Variants in CCDC148 observed in about 807,000 individuals in gnomAD.
CCDC148 encodes coiled-coil domain containing 148, also known as coiled-coil domain-containing protein 148.
CCDC148 carries 89 observed loss-of-function variants against 85.7 expected under a neutral mutation model. That is an observed-to-expected ratio of 1.04 (90% CI 0.87 to 1.24). The LOEUF (loss-of-function observed/expected upper bound fraction) is 1.24. Ranked by LOEUF, CCDC148 falls within the 50% of genes most tolerant of loss-of-function variation. The pLI is 0.00. For synonymous variants in CCDC148, 230 were observed against 213.9 expected, an observed-to-expected ratio of 1.08 and a Z score of -0.66; for missense variants, 692 against 671.7, an observed-to-expected ratio of 1.03 and a Z score of -0.33.
At chr2:158,396,385 C>A (rs1259426782) in intron 1 of CCDC148, among the ~76,000 whole-genome samples, 3 of 152,052 alleles carry the variant, frequency 2.0e-5, no homozygotes, top group African/African-American at 4.8e-5. Flanking sequence ...CATAGCACCC[C>A]AACACTGAGG....
At chr2:158,255,415 T>G (rs1381768754) in intron 9 of CCDC148, among the ~76,000 whole-genome samples, 1 of 151,596 alleles carries the variant, frequency 6.6e-6, no homozygotes, top group South Asian at 2.1e-4. Flanking sequence ...CAAAACAACT[T>G]TTAAGAATGC....
At chr2:158,301,565 T>C (rs1691444220) in intron 9 of CCDC148, among the ~76,000 whole-genome samples, 1 of 152,172 alleles carries the variant, frequency 6.6e-6, no homozygotes, top group African/African-American at 2.4e-5. Context: ...GGAGGCTTAG[T>C]GGCCAATGAA....
At chr2:158,366,372 T>A (rs1302398026) in intron 1 of CCDC148, among the ~76,000 whole-genome samples, 1 of 152,190 alleles carries the variant, frequency 6.6e-6, no homozygotes, top group Non-Finnish European at 1.5e-5. Context: ...TGTGTTTTAT[T>A]TTGTGTTCCT....
chr2:158,433,266 A>G (rs1216483519), intron 1 of CCDC148, among the ~76,000 whole-genome samples: 1 of 128,542 alleles, frequency 7.8e-6, no homozygotes, highest in Non-Finnish European at 1.8e-5. Flanking sequence ...ACTCAAATAT[A>G]TATATATATA....
intron 1 of CCDC148, among the ~76,000 whole-genome samples, chr2:158,418,318 G>T (rs1348379067): frequency 6.6e-6 from 1 of 151,948 alleles, no homozygotes; most frequent in Non-Finnish European, 1.5e-5. Context: ...TTTCTCTGTA[G>T]CATAATTAAT....
At chr2:158,360,996 G>A (rs1559098813) in intron 1 of CCDC148, among the ~76,000 whole-genome samples, 1 of 151,816 alleles carries the variant, frequency 6.6e-6, no homozygotes, top group African/African-American at 2.4e-5. Flanking sequence ...TGATGGAGCT[G>A]AAAAACCCAG....
chr2:158,240,639 G>A (rs1688316501), intron 10 of CCDC148, among the ~76,000 whole-genome samples: 1 of 151,956 alleles, frequency 6.6e-6, no homozygotes, highest in Non-Finnish European at 1.5e-5. Flanking sequence ...TGGCTTCCAG[G>A]CAGCACTCTG....
At chr2:158,310,971 G>A (rs189123363) in intron 8 of CCDC148, among the ~76,000 whole-genome samples, 1 of 150,626 alleles carries the variant, frequency 6.6e-6, no homozygotes, top group African/African-American at 2.4e-5. Flanking sequence ...CCGGGAAGAG[G>A]CGCTCTTCAC....
intron 9 of CCDC148, among the ~76,000 whole-genome samples, chr2:158,287,136 T>C (rs565508281): frequency 7.9e-5 from 12 of 152,232 alleles, no homozygotes; most frequent in Admixed American, 1.3e-4. Flanking sequence ...ATCACGAGAA[T>C]AGCACAGGAA....
At chr2:158,351,497 T>G (rs866899211) in intron 2 of CCDC148, among the ~76,000 whole-genome samples, 2 of 151,594 alleles carry the variant, frequency 1.3e-5, no homozygotes, top group Non-Finnish European at 2.9e-5. Context: ...CACTCCCACC[T>G]GAATACTGCG....
At chr2:158,385,762 C>A (rs1443877726) in intron 1 of CCDC148, among the ~76,000 whole-genome samples, 1 of 152,128 alleles carries the variant, frequency 6.6e-6, no homozygotes, top group Non-Finnish European at 1.5e-5. Flanking sequence ...CTGGCAACTT[C>A]TTGGGGAGCC....
chr2:158,251,168 T>C (rs1688778094), intron 9 of CCDC148, among the ~76,000 whole-genome samples: 1 of 151,876 alleles, frequency 6.6e-6, no homozygotes, highest in Admixed American at 6.6e-5. Context: ...AAAGAGTCTA[T>C]GATTTAACTC....
intron 1 of CCDC148, 85 bp from the exon 2 acceptor site, chr2:158,358,655 T>C: frequency 1.3e-6 from 1 of 798,330 alleles, no homozygotes; most frequent in Non-Finnish European, 1.8e-6. Context: ...ACATGTTGAC[T>C]TCAGATCTTA....
chr2:158,214,348 A>C (rs1686740092), intron 11 of CCDC148, among the ~76,000 whole-genome samples: 2 of 152,144 alleles, frequency 1.3e-5, no homozygotes, highest in African/African-American at 2.4e-5. Context: ...CCCAATATCC[A>C]CCAATTTATT....
chr2:158,366,278 G>A (rs922319458), intron 1 of CCDC148, among the ~76,000 whole-genome samples: 1 of 151,974 alleles, frequency 6.6e-6, no homozygotes, highest in Admixed American at 6.6e-5. Context: ...TCTTGGTCCT[G>A]TCCTTTCTAT....
At chr2:158,268,992 T>A (rs1256527792) in intron 9 of CCDC148, among the ~76,000 whole-genome samples, 9 of 152,212 alleles carry the variant, frequency 5.9e-5, no homozygotes, top group African/African-American at 1.9e-4. Flanking sequence ...TTAGGTTGTT[T>A]CCATATCTTG....
intron 10 of CCDC148, among the ~76,000 whole-genome samples, chr2:158,250,510 CT>C (rs11338184): frequency 0.4 from 58,104 of 145,268 alleles, 11,888 homozygotes; most frequent in East Asian, 0.65. Flanking sequence ...ACAACCTTGT[CT>C]TTTTTTTTTT....
chr2:158,217,645 C>CTTATT (rs1686958349), intron 11 of CCDC148, among the ~76,000 whole-genome samples: 1 of 151,992 alleles, frequency 6.6e-6, no homozygotes, highest in Admixed American at 6.6e-5. Flanking sequence ...ACCTTGTGAT[C>CTTATT]CACCTGCCTT....
intron 7 of CCDC148, among the ~76,000 whole-genome samples, chr2:158,315,649 C>T (rs1692244038): frequency 6.6e-6 from 1 of 152,074 alleles, no homozygotes; most frequent in Non-Finnish European, 1.5e-5. Flanking sequence ...ACCACACCCA[C>T]ATCGCCTTTA....
Sources: gnomAD v4.1 joint callset for allele counts (sites outside exome capture counted in the v4.1 genomes callset) on GRCh38, gnomAD v4.1.1 for gene constraint, MANE v1.5 for transcripts, NCBI Gene and HGNC (gene_info 2026-07-23, HGNC 2026-07-21) for gene names.